The following HTR1F variants were observed in gnomAD, a reference collection of about 807,000 sequenced individuals.
HTR1F encodes the protein 5-hydroxytryptamine (serotonin) receptor 1F, G protein-coupled.
HTR1F carries 17 observed loss-of-function variants against 24.0 expected under a neutral mutation model. The ratio of observed to expected loss-of-function variants is 0.71; its 90% CI spans 0.48 to 1.06. The LOEUF is 1.06. HTR1F is among the 50% of genes least tolerant of loss of function. The pLI is 0.00. For missense variants in HTR1F, 391 were observed against 427.8 expected, an observed-to-expected ratio of 0.91 and a Z score of 0.76; for synonymous variants, 186 against 156.8, an observed-to-expected ratio of 1.19 and a Z score of -1.39.
intron 2 of HTR1F, among the ~76,000 whole-genome samples, chr3:87,853,636 G>A (rs1705136750): frequency 6.6e-6 from 1 of 151,274 alleles, no homozygotes; most frequent in Admixed American, 6.6e-5. Flanking sequence ...GGTCTTTGAT[G>A]TCTTTGCTTT....
chr3:87,911,834 G>A (rs1457534202), intron 2 of HTR1F, among the ~76,000 whole-genome samples: 1 of 152,110 alleles, frequency 6.6e-6, no homozygotes, highest in Non-Finnish European at 1.5e-5. Flanking sequence ...TCTCTCAGTA[G>A]ATGCAGAGAA....
At chr3:87,840,855 C>T (rs143640286) in intron 2 of HTR1F, among the ~76,000 whole-genome samples, 2 of 151,888 alleles carry the variant, frequency 1.3e-5, no homozygotes, top group African/African-American at 4.8e-5. Context: ...TGTATCATCT[C>T]ACTTGTATGT....
At chr3:87,932,884 G>T (rs1362487955) in intron 2 of HTR1F, among the ~76,000 whole-genome samples, 1 of 151,542 alleles carries the variant, frequency 6.6e-6, no homozygotes, top group East Asian at 1.9e-4. Flanking sequence ...ACCAAAGCCA[G>T]GCAGAGACAC....
intron 2 of HTR1F, among the ~76,000 whole-genome samples, chr3:87,969,252 C>A (rs1705234999): frequency 6.6e-6 from 1 of 152,222 alleles, no homozygotes; most frequent in Non-Finnish European, 1.5e-5. Flanking sequence ...ATCCTCCAGA[C>A]CCTGGAATGG....
intron 2 of HTR1F, among the ~76,000 whole-genome samples, chr3:87,873,719 A>G (rs1175281430): frequency 6.6e-6 from 1 of 152,218 alleles, no homozygotes; most frequent in African/African-American, 2.4e-5. Flanking sequence ...GATTAAAAAG[A>G]TTATACATCA....
chr3:87,843,641 C>G (rs1704861142), intron 2 of HTR1F, among the ~76,000 whole-genome samples: 1 of 150,206 alleles, frequency 6.7e-6, no homozygotes, highest in East Asian at 2.0e-4. Flanking sequence ...AACTCATCAT[C>G]TAGCATTAGG....
chr3:87,933,440 T>C (rs1365759023), intron 2 of HTR1F, among the ~76,000 whole-genome samples: 1 of 152,192 alleles, frequency 6.6e-6, no homozygotes, highest in Non-Finnish European at 1.5e-5. Flanking sequence ...GACATGATTG[T>C]ATATCTAGAA....
intron 2 of HTR1F, among the ~76,000 whole-genome samples, chr3:87,931,560 A>G (rs1704272563): frequency 6.6e-6 from 1 of 152,172 alleles, no homozygotes; most frequent in Non-Finnish European, 1.5e-5. Context: ...TTGGGTATAT[A>G]CCCAGTAATG....
At chr3:87,850,474 G>A (rs1437809329) in intron 2 of HTR1F, among the ~76,000 whole-genome samples, 2 of 151,792 alleles carry the variant, frequency 1.3e-5, no homozygotes, top group African/African-American at 4.9e-5. Context: ...GGGGGGAGTG[G>A]AGAGGGATAA....
At chr3:87,887,787 T>C (rs1477918264) in intron 2 of HTR1F, among the ~76,000 whole-genome samples, 1 of 152,182 alleles carries the variant, frequency 6.6e-6, no homozygotes, top group Non-Finnish European at 1.5e-5. Flanking sequence ...CTCACACCAG[T>C]TAGAACGGCG....
chr3:87,987,014 A>G (rs1705676543), intron 2 of HTR1F, among the ~76,000 whole-genome samples: 1 of 151,956 alleles, frequency 6.6e-6, no homozygotes, highest in Non-Finnish European at 1.5e-5. Flanking sequence ...GCTGAGGCAC[A>G]AGAATTGCTT....
intron 2 of HTR1F, among the ~76,000 whole-genome samples, chr3:87,932,357 A>G (rs1315229539): frequency 6.6e-6 from 1 of 151,886 alleles, no homozygotes. Flanking sequence ...ATAGTTGTAG[A>G]TATGCAGCGT....
intron 2 of HTR1F, among the ~76,000 whole-genome samples, chr3:87,932,443 T>C (rs1196025741): frequency 6.6e-6 from 1 of 152,188 alleles, no homozygotes; most frequent in Non-Finnish European, 1.5e-5. Flanking sequence ...TTTGGGTTAC[T>C]GTAGCCTTGT....
chr3:87,939,610 C>T (rs575951332), intron 2 of HTR1F, among the ~76,000 whole-genome samples: 13 of 152,056 alleles, frequency 8.5e-5, no homozygotes, highest in East Asian at 5.8e-4. Flanking sequence ...GGAGAGTGTA[C>T]GTGTCCAGGA....
chr3:87,872,040 G>A (rs944582529), intron 2 of HTR1F, among the ~76,000 whole-genome samples: 1 of 151,920 alleles, frequency 6.6e-6, no homozygotes, highest in African/African-American at 2.4e-5. Flanking sequence ...TGAAAAGATT[G>A]AAATCATATA....
Position 87,993,660 on chromosome 3 carries a change from T to A in HTR1F, c.*1810T>A, listed in dbSNP as rs1705885670. The A allele has an allele frequency of 6.0e-6, 1 of 166,902 alleles. No homozygotes were observed. Among genetic ancestry groups the A allele is most frequent in the Non-Finnish European group, 1.5e-5 (1 of 68,078 alleles). 10.3% of individuals were successfully genotyped at this position (166,902 alleles called of 1,614,324 possible). A position where few individuals can be genotyped will look rare whatever the true frequency, so the allele number is the denominator to read the frequency against. ...GGGCATGTTCATAAATAGCAATGAG[T>A]TTGGCAACTATTTAGAGCAATAGAG... On this transcript the variant is annotated 3_prime_UTR_variant, in exon 3 of 3. Coordinates refer to ENST00000319595, the MANE Select transcript of HTR1F (RefSeq NM_001322209.2).
chr3:87,843,501 CTTTCTT>C (rs1575933632), intron 2 of HTR1F, among the ~76,000 whole-genome samples: 1 of 146,386 alleles, frequency 6.8e-6, no homozygotes, highest in East Asian at 2.0e-4. Flanking sequence ...ACCATCCTGA[CTTTCTT>C]TTTCTTTTTT....
chr3:87,936,503 TA>T (rs1559639642), intron 2 of HTR1F, among the ~76,000 whole-genome samples: 1 of 152,180 alleles, frequency 6.6e-6, no homozygotes, highest in African/African-American at 2.4e-5. Flanking sequence ...TTTAATTTTT[TA>T]ATAAATGAAT....
At position 87,825,595 on chromosome 3, in the gene HTR1F, C is replaced by A. The variant is rs142175325; in HGVS notation, c.-43+3471C>A. Among the ~76,000 whole-genome samples, 441 of 152,220 alleles carry A rather than the reference C, an allele frequency of 2.9e-3. 1 individual carries two copies. Among genetic ancestry groups the A allele is most frequent in the African/African-American group, 0.01 (424 of 41,502 alleles). ...CACTATATCTTCTCAATTCATCATA[C>A]AAAATATTTCTGGGATTTATGCTGT... On this transcript the variant is annotated intron_variant, in intron 2 of 2. Transcript: ENST00000319595.
Sources: allele counts gnomAD v4.1 joint callset (sites outside exome capture counted in the v4.1 genomes callset), GRCh38; gene constraint gnomAD v4.1.1; transcripts MANE v1.5; gene names NCBI Gene and HGNC (gene_info 2026-07-23, HGNC 2026-07-21).